The following WDR27 variants were observed in gnomAD, a reference collection of about 807,000 sequenced individuals.
The protein encoded by WDR27 is WD repeat-containing protein 27.
Under a neutral mutation model 114.4 loss-of-function variants are expected in WDR27, and 100 were observed. The observed-to-expected ratio is 0.87, with a 90% CI of 0.74 to 1.03. The LOEUF is 1.03. Among genes scored for constraint, WDR27 ranks in the 50% least tolerant of loss-of-function variants. The pLI is 0.00. For synonymous variants in WDR27, 449 were observed against 423.1 expected (o/e 1.06, Z -0.75); for missense variants, 1,129 against 1,092.9 (o/e 1.03, Z -0.47).
rs756387803 is a variant in WDR27 at position 169,662,416 on chromosome 6, G to A, written c.913C>T (p.Gln305Ter). Residue 305 changes from glutamine to a stop codon, truncating the protein, a stop_gained, in exon 9 of 26, where the codon CAG (glutamine) becomes TAG (stop). Coordinates refer to ENST00000448612, the MANE Select transcript of WDR27 (RefSeq NM_182552.5). LOFTEE classifies it high-confidence loss of function. ...SGLCSQPEES[Q>*]LPSTSALGKG... ...CCCAGAGCACTTGTAGAGGGAAGCT[G>A]GCTTTCTTCTAGGGACAGAATTATT... 3 of 1,613,916 alleles carry A rather than the reference G, an allele frequency of 1.9e-6. No homozygotes were observed. The highest frequency in any genetic ancestry group is 1.7e-4 in the Middle Eastern group (1 of 6,060).
intron 25 of WDR27, among the ~76,000 whole-genome samples, chr6:169,465,482 T>C (rs971355590): frequency 6.6e-6 from 1 of 152,180 alleles, no homozygotes; most frequent in Non-Finnish European, 1.5e-5. Context: ...GAAAACAGTA[T>C]GAATTTTTTT....
intron 13 of WDR27, among the ~76,000 whole-genome samples, chr6:169,656,410 G>C (rs1262185486): frequency 6.6e-6 from 1 of 152,182 alleles, no homozygotes; most frequent in Non-Finnish European, 1.5e-5. Context: ...CTGGGGACCT[G>C]CCTGTGTCCA....
Position 169,658,288 on chromosome 6 carries a change from C to G in WDR27, c.1390G>C (p.Glu464Gln). 1 of 1,600,398 alleles carries G rather than the reference C, an allele frequency of 6.2e-7. No individual in the cohort carries two copies. The highest frequency in any genetic ancestry group is 8.5e-7 in the Non-Finnish European group (1 of 1,173,730). ...AKEKSTKAAS[E>Q]QRRAARNVMK... is the part of the protein sequence containing the mutation. ...ACCCTGTACTGACCACGTCGCTGTT[C>G]ACTAGCAGCCTTGGTACTCTTCTCC... Residue 464 changes from glutamate to glutamine, a missense_variant, in exon 13 of 26, where the codon GAA becomes CAA. By Grantham distance (29) the Glu-to-Gln change is conservative. Coordinates refer to ENST00000448612, the MANE Select transcript of WDR27 (RefSeq NM_182552.5).
At chr6:169,639,680 C>T (rs1818668015) in intron 17 of WDR27, among the ~76,000 whole-genome samples, 2 of 152,144 alleles carry the variant, frequency 1.3e-5, no homozygotes, top group South Asian at 4.1e-4. Flanking sequence ...TTATTTCGTA[C>T]ACCTGTAGGA....
intron 25 of WDR27, among the ~76,000 whole-genome samples, chr6:169,462,479 G>A (rs79245222): frequency 0.017 from 2,505 of 148,260 alleles, 78 homozygotes; most frequent in African/African-American, 0.059. Context: ...AGGAGAGGGG[G>A]GAGAGAGAGA....
At chr6:169,634,994 T>C (rs1257747815) in intron 19 of WDR27, among the ~76,000 whole-genome samples, 1 of 152,072 alleles carries the variant, frequency 6.6e-6, no homozygotes. Context: ...CCACCAACTC[T>C]CAGGGGCAAA....
chr6:169,500,292 C>T (rs1002651954), intron 25 of WDR27, among the ~76,000 whole-genome samples: 2 of 152,116 alleles, frequency 1.3e-5, no homozygotes, highest in Non-Finnish European at 2.9e-5. Context: ...AACATGTTGA[C>T]TAAAATTGAG....
chr6:169,696,510 G>A (rs945979865), intron 1 of WDR27, among the ~76,000 whole-genome samples: 15 of 152,204 alleles, frequency 9.9e-5, no homozygotes, highest in Non-Finnish European at 1.6e-4. Context: ...GATCAAAACG[G>A]GTTTGGTGAA....
At chr6:169,567,077 C>A (rs1287829902) in intron 25 of WDR27, among the ~76,000 whole-genome samples, 1 of 152,170 alleles carries the variant, frequency 6.6e-6, no homozygotes, top group Non-Finnish European at 1.5e-5. Context: ...GTCTGATAGG[C>A]AGCAGCCCGA....
intron 17 of WDR27, among the ~76,000 whole-genome samples, chr6:169,639,236 G>A (rs948360209): frequency 6.6e-5 from 10 of 152,000 alleles, no homozygotes; most frequent in African/African-American, 2.2e-4. Flanking sequence ...GTACTGCGTG[G>A]TGCTGGGTAC....
chr6:169,660,728 C>T lies in WDR27; in HGVS notation c.1064G>A (p.Ser355Asn). Residue 355 changes from serine to asparagine, a missense_variant, in exon 10 of 26, where the codon AGC becomes AAC. By Grantham distance (46) the Ser-to-Asn change is conservative. Transcript: ENST00000448612. The stretch of plus-strand genomic sequence containing the variant: ...GTTAAATACGAATAAGCCCACTGAG[C>T]TTCCGATCCACACACATCGGGTGTT... Reference protein sequence around the residue: ...SENTRCVWIGSSVGLFVFNLA... With the variant: ...SENTRCVWIGNSVGLFVFNLA... The T allele has an allele frequency of 6.2e-7, 1 of 1,613,572 alleles. No homozygotes were observed. The highest frequency in any genetic ancestry group is 2.2e-5 in the East Asian group (1 of 44,836).
At chr6:169,441,511 C>T in the WDR27 span, among the ~76,000 whole-genome samples, 410 of 152,082 alleles carry the variant, frequency 2.7e-3, 2 homozygotes, top group African/African-American at 7.8e-3. Context: ...AGTCACTTGC[C>T]CAGGGACACT....
intron 4 of WDR27, among the ~76,000 whole-genome samples, chr6:169,669,319 G>A (rs1778098733): frequency 6.6e-6 from 1 of 152,196 alleles, no homozygotes; most frequent in Non-Finnish European, 1.5e-5. Context: ...GTGTCTTTCA[G>A]TTGACACGCC....
rs1006850908 is a variant in WDR27, at chr6:169,659,811, G to A, written c.1130-293C>T. The stretch of plus-strand genomic sequence containing the variant: ...GAGACCTGCAGCTCAGCCTCCTGGA[G>A]AAGCCACATGTCCAGCACCAGATCA... On this transcript the variant is annotated intron_variant, in intron 10 of 25. Transcript: ENST00000448612. This position sits in a 1 kb window ranked among gnomAD's most constrained non-coding sequence, Gnocchi z 4.3. Among the ~76,000 whole-genome samples, 1 of 152,112 alleles carries A rather than the reference G, an allele frequency of 6.6e-6. No individual in the cohort carries two copies. Among genetic ancestry groups the A allele is most frequent in the Non-Finnish European group, 1.5e-5 (1 of 68,016 alleles).
chr6:169,678,337 C>G (rs1434324811), intron 2 of WDR27, among the ~76,000 whole-genome samples: 1 of 152,198 alleles, frequency 6.6e-6, no homozygotes, highest in Non-Finnish European at 1.5e-5. Flanking sequence ...AATTTTGGAG[C>G]TTTATGATTT....
At chr6:169,467,228 G>A (rs79197935) in intron 25 of WDR27, among the ~76,000 whole-genome samples, 1,783 of 152,324 alleles carry the variant, frequency 0.012, 39 homozygotes, top group African/African-American at 0.041. Context: ...CAGAGTGTCT[G>A]CAGCTTTTCC....
At chr6:169,698,663 C>A (rs535012775) in intron 1 of WDR27, among the ~76,000 whole-genome samples, 1 of 152,350 alleles carries the variant, frequency 6.6e-6, no homozygotes, top group South Asian at 2.1e-4. Context: ...CCTCTGAAGT[C>A]GAGGGCAGCC....
At chr6:169,508,768 T>C (rs1792352375) in intron 25 of WDR27, among the ~76,000 whole-genome samples, 1 of 152,272 alleles carries the variant, frequency 6.6e-6, no homozygotes, top group East Asian at 1.9e-4. Context: ...CTTATAATTA[T>C]GTATTATATT....
At chr6:169,666,602 C>T (rs1827890075) in intron 6 of WDR27, 13 of 985,572 alleles carry the variant, frequency 1.3e-5, no homozygotes, top group South Asian at 4.7e-5. Context: ...GCTCCGCGGA[C>T]GGACGCCTGC....
Sources: allele counts gnomAD v4.1 joint callset (sites outside exome capture counted in the v4.1 genomes callset), GRCh38; gene constraint gnomAD v4.1.1; non-coding constraint Gnocchi (gnomAD v3.1); transcripts MANE v1.5; gene names NCBI Gene and HGNC (gene_info 2026-07-23, HGNC 2026-07-21).